Variants in SCAPER observed in about 807,000 individuals in gnomAD.
SCAPER encodes the protein S-phase cyclin A associated protein in the ER.
Under a neutral mutation model 182.2 loss-of-function variants are expected in SCAPER, and 98 were observed. That is an observed-to-expected ratio of 0.54 (90% CI 0.46 to 0.64). The LOEUF is 0.64. Ranked by LOEUF, SCAPER falls within the 30% of genes least tolerant of loss-of-function variation. The pLI, the probability that SCAPER is intolerant of heterozygous loss-of-function variation, is 0.00. For missense variants in SCAPER, 1,432 were observed against 1,690.0 expected, an observed-to-expected ratio of 0.85 and a Z score of 2.68; for synonymous variants, 605 against 564.6, an observed-to-expected ratio of 1.07 and a Z score of -1.01.
chr15:76,738,016 G>C (rs936004350), intron 15 of SCAPER, among the ~76,000 whole-genome samples: 1 of 152,166 alleles, frequency 6.6e-6, no homozygotes, highest in Non-Finnish European at 1.5e-5. Context: ...ATAACCTGTT[G>C]TGCTTTCTTA....
chr15:76,876,862 AC>A (rs138113163), intron 2 of SCAPER, among the ~76,000 whole-genome samples: 80 of 152,328 alleles, frequency 5.3e-4, no homozygotes, highest in African/African-American at 1.9e-3. Context: ...AAAGAATAAA[AC>A]AGGGAAATTA....
At chr15:76,651,714 C>G (rs1212538114) in intron 21 of SCAPER, among the ~76,000 whole-genome samples, 1 of 149,410 alleles carries the variant, frequency 6.7e-6, no homozygotes, top group Non-Finnish European at 1.5e-5. Flanking sequence ...ACCAATCCTA[C>G]TAAAACTATT....
intron 24 of SCAPER, among the ~76,000 whole-genome samples, chr15:76,503,251 C>T (rs1234074088): frequency 6.6e-6 from 1 of 152,042 alleles, no homozygotes; most frequent in Non-Finnish European, 1.5e-5. Flanking sequence ...AATTAACATA[C>T]AGTAAGTGAA....
intron 5 of SCAPER, among the ~76,000 whole-genome samples, chr15:76,831,386 C>G (rs939067191): frequency 2.0e-5 from 3 of 151,848 alleles, no homozygotes; most frequent in Non-Finnish European, 4.4e-5. Context: ...TCTTTCCCAG[C>G]CCCCACCCTC....
rs759261253 is a variant in SCAPER at position 76,883,888 on chromosome 15, A to AT, written c.-59-13_-59-12insA. 2.6e-6 allele frequency: 3 copies of AT among 1,139,766 alleles called. No individual in the cohort carries two copies. Among genetic ancestry groups the AT allele is most frequent in the South Asian group, 3.1e-5 (2 of 65,168 alleles). 70.6% of individuals were successfully genotyped at this position (1,139,766 alleles called of 1,614,324 possible). ...ATGGAGTATGACTCCTACAATAAAA[A>AT]ATATATATACGCTTAGTTATAACAT... On this transcript the variant is annotated splice_polypyrimidine_tract_variant and intron_variant, in intron 1 of 31. Transcript: ENST00000563290.
intron 25 of SCAPER, among the ~76,000 whole-genome samples, chr15:76,439,394 G>C (rs753912002): frequency 1.4e-4 from 21 of 152,160 alleles, no homozygotes; most frequent in Non-Finnish European, 2.8e-4. Context: ...CAAGGAGAAG[G>C]TATCTATACT....
chr15:76,457,251 G>A (rs2048808905), intron 25 of SCAPER, among the ~76,000 whole-genome samples: 1 of 152,100 alleles, frequency 6.6e-6, no homozygotes, highest in African/African-American at 2.4e-5. Context: ...TTTTAGTAGA[G>A]AAGGGGTTTC....
At chr15:76,386,283 G>A (rs1310579715) in intron 27 of SCAPER, among the ~76,000 whole-genome samples, 2 of 152,162 alleles carry the variant, frequency 1.3e-5, no homozygotes, top group South Asian at 2.1e-4. Flanking sequence ...AATATTCACA[G>A]GTTCTGGAGA....
chr15:76,531,457 G>T (rs2043657294), intron 23 of SCAPER, among the ~76,000 whole-genome samples: 1 of 152,312 alleles, frequency 6.6e-6, no homozygotes, highest in African/African-American at 2.4e-5. Context: ...GCAAGAGGCA[G>T]CAAGATAGAA....
intron 5 of SCAPER, among the ~76,000 whole-genome samples, chr15:76,809,524 A>T (rs1156397562): frequency 6.6e-6 from 1 of 152,160 alleles, no homozygotes; most frequent in East Asian, 1.9e-4. Flanking sequence ...AAGGATCAGG[A>T]ACTCTAAGAC....
chr15:76,882,958 C>T (rs905926152), intron 2 of SCAPER, among the ~76,000 whole-genome samples: 1 of 152,154 alleles, frequency 6.6e-6, no homozygotes, highest in African/African-American at 2.4e-5. Flanking sequence ...GCCACCGTGC[C>T]CGGCCCTCTC....
intron 8 of SCAPER, among the ~76,000 whole-genome samples, chr15:76,782,010 A>C (rs2064181996): frequency 6.6e-6 from 1 of 152,194 alleles, no homozygotes; most frequent in Non-Finnish European, 1.5e-5. Flanking sequence ...TTAACATCAT[A>C]ATGACAGGAT....
intron 15 of SCAPER, among the ~76,000 whole-genome samples, chr15:76,739,292 T>C (rs4442773): frequency 0.38 from 58,053 of 152,096 alleles, 13,087 homozygotes; most frequent in Middle Eastern, 0.53. Flanking sequence ...AATAGAAGAT[T>C]CATTCTTACC....
intron 22 of SCAPER, among the ~76,000 whole-genome samples, chr15:76,619,145 G>A (rs145118576): frequency 1.7e-4 from 26 of 152,224 alleles, no homozygotes; most frequent in East Asian, 1.2e-3. Flanking sequence ...GCACCCAGCC[G>A]TGTTTCTATT....
chr15:76,403,036 C>A (rs376118306), intron 27 of SCAPER, among the ~76,000 whole-genome samples: 2 of 152,266 alleles, frequency 1.3e-5, no homozygotes, highest in African/African-American at 4.8e-5. Context: ...CGAGAAAATA[C>A]AGGTGACACA....
At chr15:76,858,136 G>A (rs1436711887) in intron 3 of SCAPER, among the ~76,000 whole-genome samples, 1 of 152,052 alleles carries the variant, frequency 6.6e-6, no homozygotes, top group Non-Finnish European at 1.5e-5. Flanking sequence ...CTCTGAATAG[G>A]AATAAATCAA....
At chr15:76,793,423 G>T (rs1014571224) in intron 8 of SCAPER, 4 of 553,368 alleles carry the variant, frequency 7.2e-6, no homozygotes, top group African/African-American at 2.0e-5. Context: ...TAGAACACTG[G>T]GACTTTCAGC....
intron 21 of SCAPER, among the ~76,000 whole-genome samples, chr15:76,652,371 C>CACATATATATATATATATATATAT (rs764864981): frequency 1.2e-4 from 1 of 8,060 alleles, no homozygotes; most frequent in Non-Finnish European, 2.1e-4. Context: ...CACACACACA[C>CACATATATATATATATATATATAT]ATATATATAT....
At chr15:76,610,791 T>C (rs1197601352) in intron 22 of SCAPER, among the ~76,000 whole-genome samples, 1 of 152,116 alleles carries the variant, frequency 6.6e-6, no homozygotes, top group Non-Finnish European at 1.5e-5. Flanking sequence ...CATAAATAAA[T>C]AGATACCCCA....
Sources: allele counts gnomAD v4.1 joint callset (sites outside exome capture counted in the v4.1 genomes callset), GRCh38; gene constraint gnomAD v4.1.1; transcripts MANE v1.5; gene names NCBI Gene and HGNC (gene_info 2026-07-23, HGNC 2026-07-21).